KDM3B: variants seen among roughly 807,000 people sequenced by gnomAD.
The protein encoded by KDM3B is lysine demethylase 3B.
Under a neutral mutation model 170.0 loss-of-function variants are expected in KDM3B, and 10 were observed. That is an observed-to-expected ratio of 0.06 (90% confidence interval 0.04 to 0.10). KDM3B has a LOEUF of 0.10. KDM3B is among the 10% of genes least tolerant of loss of function. The pLI, the probability that KDM3B is intolerant of heterozygous loss-of-function variation, is 1.00. For missense variants in KDM3B, 1,394 were observed against 2,195.2 expected (o/e 0.64, Z 7.29); for synonymous variants, 831 against 834.8 (o/e 1.00, Z 0.08).
chr5:138,394,555 A>G (rs1406503465), intron 9 of KDM3B, among the ~76,000 whole-genome samples: 3 of 152,232 alleles, frequency 2.0e-5, no homozygotes, highest in African/African-American at 7.2e-5. Flanking sequence ...TGTGACAGGT[A>G]TTCCAGACAG....
chr5:138,409,208 G>A (rs556766072), intron 11 of KDM3B, among the ~76,000 whole-genome samples: 109 of 152,118 alleles, frequency 7.2e-4, no homozygotes, highest in African/African-American at 2.5e-3. Flanking sequence ...AGGGAAAAAG[G>A]GGAAAAGGAA....
chr5:138,433,411 T>TC (rs1200112815), intron 23 of KDM3B, among the ~76,000 whole-genome samples: 1 of 138,784 alleles, frequency 7.2e-6, no homozygotes, highest in East Asian at 2.0e-4. Flanking sequence ...CTGCGGCTGT[T>TC]TTTTTTTTTT....
intron 2 of KDM3B, chr5:138,374,411 A>G (rs1019149122): frequency 4.1e-5 from 13 of 315,834 alleles, no homozygotes; most frequent in African/African-American, 2.7e-4. Flanking sequence ...GGCGCCCACC[A>G]CCACTCCCGG....
chr5:138,426,734 T>C (rs1763403818), intron 17 of KDM3B: 1 of 411,814 alleles, frequency 2.4e-6, no homozygotes, highest in South Asian at 2.5e-5. Context: ...CTACTAAAAA[T>C]ACAAAAATTA....
intron 7 of KDM3B, among the ~76,000 whole-genome samples, chr5:138,387,773 T>G (rs1323136029): frequency 1.3e-5 from 2 of 152,184 alleles, no homozygotes; most frequent in Non-Finnish European, 2.9e-5. Context: ...TCATAGTGTC[T>G]GAATTATTTA....
chr5:138,358,072 A>G (rs1401379948), intron 1 of KDM3B, among the ~76,000 whole-genome samples: 1 of 151,200 alleles, frequency 6.6e-6, no homozygotes. Context: ...ATCTCGGCTC[A>G]CTGCAACCTC....
At chr5:138,423,622 G>T (rs1763326914) in intron 15 of KDM3B, among the ~76,000 whole-genome samples, 1 of 152,166 alleles carries the variant, frequency 6.6e-6, no homozygotes, top group African/African-American at 2.4e-5. Context: ...CTCCCTGGTA[G>T]AAAACCATTG....
chr5:138,402,785 T>G (rs1762723436), intron 11 of KDM3B, among the ~76,000 whole-genome samples: 1 of 152,182 alleles, frequency 6.6e-6, no homozygotes. Flanking sequence ...TTGCCCTGGC[T>G]TACTGCTTAG....
intron 11 of KDM3B, among the ~76,000 whole-genome samples, chr5:138,401,671 A>G (rs1762698325): frequency 1.3e-5 from 2 of 152,184 alleles, no homozygotes; most frequent in African/African-American, 4.8e-5. Flanking sequence ...GCATATGACA[A>G]TTCTACTTTT....
chr5:138,403,041 T>C (rs989695046), intron 11 of KDM3B, among the ~76,000 whole-genome samples: 1 of 152,228 alleles, frequency 6.6e-6, no homozygotes, highest in Admixed American at 6.5e-5. Context: ...ACAAAATTCA[T>C]GATTTGTATT....
At chr5:138,380,431 ATAATTTACCT>A (rs1176403542) in intron 5 of KDM3B, among the ~76,000 whole-genome samples, 2 of 151,066 alleles carry the variant, frequency 1.3e-5, no homozygotes. Flanking sequence ...ATATAGTTAT[ATAATTTACCT>A]TTTTTACTTA....
intron 7 of KDM3B, among the ~76,000 whole-genome samples, 159 bp downstream of exon 7, chr5:138,386,780 A>G (rs1035852944): frequency 6.6e-6 from 1 of 152,200 alleles, no homozygotes; most frequent in Non-Finnish European, 1.5e-5. Flanking sequence ...CACTGGGCAA[A>G]TGTGTATAGT....
chr5:138,409,722 A>C (rs1762911508), intron 11 of KDM3B, among the ~76,000 whole-genome samples: 1 of 152,218 alleles, frequency 6.6e-6, no homozygotes, highest in Non-Finnish European at 1.5e-5. Flanking sequence ...GTTTGAGACC[A>C]GCCTGGGCAA....
intron 23 of KDM3B, among the ~76,000 whole-genome samples, chr5:138,435,272 C>G (rs12657315): frequency 6.6e-6 from 1 of 151,938 alleles, no homozygotes; most frequent in Non-Finnish European, 1.5e-5. Flanking sequence ...CCTTAGTTTC[C>G]GCAGTTTCTC....
In KDM3B at chr5:138,393,319, G is replaced by A. The variant is rs756205423; in HGVS notation, c.2778G>A (p.Lys926=). The change falls in exon 9 of 24, where the codon AAG becomes AAA. Residue 926 remains lysine (K), a synonymous_variant. Coordinates refer to ENST00000314358, the MANE Select transcript of KDM3B (RefSeq NM_016604.4). ...ECRLERYRKF[K]EQEQDDSTVA... ...GCCTGGAGCGGTACCGGAAGTTTAAGGAACAGGAGCAAGATGATTCTACTG... is the reference window on the plus strand; with the variant it reads ...GCCTGGAGCGGTACCGGAAGTTTAAAGAACAGGAGCAAGATGATTCTACTG... The A allele has an allele frequency of 3.7e-6, 6 of 1,614,172 alleles. No individual in the cohort carries two copies. The highest frequency in any genetic ancestry group is 5.1e-6 in the Non-Finnish European group (6 of 1,180,030).
chr5:138,356,679 G>GT (rs1660506969), intron 1 of KDM3B, among the ~76,000 whole-genome samples: 1 of 124,066 alleles, frequency 8.1e-6, no homozygotes, highest in Admixed American at 1.0e-4. Context: ...GTCTCGCTGT[G>GT]TCACCCAGGC....
chr5:138,376,575 A>G (rs1216731392), intron 3 of KDM3B, among the ~76,000 whole-genome samples: 3 of 151,840 alleles, frequency 2.0e-5, no homozygotes, highest in African/African-American at 4.8e-5. Flanking sequence ...GTCGTGGTGG[A>G]CGCCTGTAGT....
chr5:138,355,364 A>G (rs1484026825), intron 1 of KDM3B, among the ~76,000 whole-genome samples: 1 of 152,264 alleles, frequency 6.6e-6, no homozygotes, highest in Non-Finnish European at 1.5e-5. Flanking sequence ...ATCCTATAAA[A>G]TACAGTACTG....
At chr5:138,383,964 A>G (rs2126938506) in intron 6 of KDM3B, among the ~76,000 whole-genome samples, 1 of 151,750 alleles carries the variant, frequency 6.6e-6, no homozygotes, top group Non-Finnish European at 1.5e-5. Flanking sequence ...AAAAAAGAAG[A>G]AAAAAATCAA....
Sources: allele counts gnomAD v4.1 joint callset (sites outside exome capture counted in the v4.1 genomes callset), GRCh38; gene constraint gnomAD v4.1.1; transcripts MANE v1.5; gene names NCBI Gene and HGNC (gene_info 2026-07-23, HGNC 2026-07-21).